STAG1: variants seen among roughly 807,000 people sequenced by gnomAD.
The protein encoded by STAG1 is STAG1 cohesin complex component, also known as cohesin subunit SA-1.
In STAG1, 26 loss-of-function variants were observed where a neutral mutation model predicts 170.9. The observed-to-expected ratio is 0.15, with a 90% CI of 0.11 to 0.21. The LOEUF is 0.21. STAG1 is among the 10% of genes least tolerant of loss of function. The pLI, the probability that STAG1 is intolerant of heterozygous loss-of-function variation, is 1.00. For synonymous variants in STAG1, 514 were observed against 497.7 expected, an observed-to-expected ratio of 1.03 and a Z score of -0.44; for missense variants, 964 against 1,509.5, an observed-to-expected ratio of 0.64 and a Z score of 5.99.
chr3:136,605,722 G>C (rs1257520287), intron 3 of STAG1, among the ~76,000 whole-genome samples: 1 of 152,188 alleles, frequency 6.6e-6, no homozygotes, highest in African/African-American at 2.4e-5. Flanking sequence ...TGTCTCCAAT[G>C]AGAGACAATA....
At chr3:136,678,050 C>T (rs1380415029) in intron 1 of STAG1, among the ~76,000 whole-genome samples, 1 of 149,602 alleles carries the variant, frequency 6.7e-6, no homozygotes, top group Non-Finnish European at 1.5e-5. Flanking sequence ...GAAGAAAATA[C>T]ACATTCTTAG....
intron 21 of STAG1, among the ~76,000 whole-genome samples, chr3:136,413,936 G>A (rs1173993256): frequency 2.6e-5 from 4 of 152,142 alleles, no homozygotes; most frequent in Non-Finnish European, 5.9e-5. Flanking sequence ...CAAAACCTTT[G>A]GTTTCGCAGT....
chr3:136,746,459 G>T (rs1048596671), intron 1 of STAG1, among the ~76,000 whole-genome samples: 1 of 151,828 alleles, frequency 6.6e-6, no homozygotes, highest in East Asian at 1.9e-4. Flanking sequence ...AATGTTTTAA[G>T]AAAGTGTATA....
intron 7 of STAG1, among the ~76,000 whole-genome samples, chr3:136,506,441 G>T (rs1013037724): frequency 1.4e-5 from 2 of 141,656 alleles, no homozygotes; most frequent in Non-Finnish European, 3.0e-5. Context: ...GACCAGCCTG[G>T]CCAACATGGT....
chr3:136,547,178 C>T (rs1042241448), intron 5 of STAG1, among the ~76,000 whole-genome samples: 30 of 152,222 alleles, frequency 2.0e-4, no homozygotes, highest in African/African-American at 7.0e-4. Context: ...AGAAAAGTTA[C>T]AAAGATAGTA....
chr3:136,445,456 T>C (rs774433625), intron 14 of STAG1, among the ~76,000 whole-genome samples: 26 of 152,164 alleles, frequency 1.7e-4, no homozygotes, highest in Non-Finnish European at 2.9e-4. Flanking sequence ...TTTATACATA[T>C]ATAAATTAAA....
chr3:136,702,109 G>GAGAC lies in STAG1; in HGVS notation c.-84+50085_-84+50086insGTCT, dbSNP rs1553768608. Among the ~76,000 whole-genome samples, 18 of 89,662 alleles carry GAGAC rather than the reference G, an allele frequency of 2.0e-4. 1 individual carries two copies. Among genetic ancestry groups the GAGAC allele is most frequent in the Non-Finnish European group, 2.9e-4 (12 of 41,366 alleles). The allele number at this position is 89,662 out of a possible 152,430, so 58.8% of individuals were successfully genotyped here. On this transcript the variant is annotated intron_variant, in intron 1 of 33. Coordinates refer to ENST00000383202, the MANE Select transcript of STAG1 (RefSeq NM_005862.3). ...AGAGAGAGAGAGAGAGAGAGAGAGA[G>GAGAC]AGAGAGAGAGAGACAGAGAGACAGA...
At chr3:136,399,829 T>C (rs1355372225) in intron 21 of STAG1, among the ~76,000 whole-genome samples, 2 of 152,224 alleles carry the variant, frequency 1.3e-5, no homozygotes, top group Admixed American at 1.3e-4. Context: ...TACTATCATA[T>C]TAGAAACTAA....
rs577736102 is a variant in STAG1, at chr3:136,377,473, TATTATATA to T, written c.2370+179_2370+186del. Among the ~76,000 whole-genome samples, 306 of 150,594 alleles carry T rather than the reference TATTATATA, an allele frequency of 2.0e-3. 1 individual carries two copies. Among genetic ancestry groups the T allele is most frequent in the African/African-American group, 7.1e-3 (291 of 40,976 alleles). On this transcript the variant is annotated intron_variant, in intron 23 of 33. Coordinates refer to ENST00000383202, the MANE Select transcript of STAG1 (RefSeq NM_005862.3). ...TGTGAAAGTAAAAGGAAAGAATGTA[TATTATATA>T]ATAAGTTTGTTAGCTTGCTTTATAA...
intron 1 of STAG1, among the ~76,000 whole-genome samples, chr3:136,718,368 GTTTT>G (rs1198909851): frequency 6.6e-6 from 1 of 152,048 alleles, no homozygotes; most frequent in Non-Finnish European, 1.5e-5. Context: ...ATAATTAAAA[GTTTT>G]TTTAATAATT....
intron 9 of STAG1, among the ~76,000 whole-genome samples, chr3:136,497,163 A>G (rs1933153163): frequency 6.6e-6 from 1 of 152,222 alleles, no homozygotes; most frequent in Non-Finnish European, 1.5e-5. Context: ...TTATCTGAAG[A>G]AGAAATAATA....
intron 1 of STAG1, among the ~76,000 whole-genome samples, chr3:136,723,271 C>T (rs1933416540): frequency 6.6e-6 from 1 of 151,826 alleles, no homozygotes; most frequent in Admixed American, 6.6e-5. Context: ...GGCCGCCATC[C>T]CATCTAGGAA....
chr3:136,708,759 T>TC (rs1172836179), intron 1 of STAG1, among the ~76,000 whole-genome samples: 1 of 152,166 alleles, frequency 6.6e-6, no homozygotes, highest in Non-Finnish European at 1.5e-5. Flanking sequence ...GTGCTTAGTT[T>TC]CACCCCTCCC....
At chr3:136,472,049 C>A (rs967748198) in intron 12 of STAG1, among the ~76,000 whole-genome samples, 2 of 152,094 alleles carry the variant, frequency 1.3e-5, no homozygotes, top group Non-Finnish European at 2.9e-5. Flanking sequence ...TTTGCCCAGG[C>A]TGGTCTTGAA....
chr3:136,370,076 CTATACTATACTATACT>C (rs1560064453), intron 23 of STAG1, among the ~76,000 whole-genome samples: 220 of 150,208 alleles, frequency 1.5e-3, no homozygotes, highest in Middle Eastern at 0.01. Flanking sequence ...CTATACTATA[CTATACTATACTATACT>C]ATACTAATTT....
intron 6 of STAG1, among the ~76,000 whole-genome samples, chr3:136,526,231 A>C (rs546671101): frequency 6.6e-6 from 1 of 152,270 alleles, no homozygotes. Flanking sequence ...GTGGGAGTCT[A>C]AATCTCTTGT....
intron 23 of STAG1, among the ~76,000 whole-genome samples, chr3:136,377,439 C>G (rs1376361398): frequency 7.4e-6 from 1 of 136,022 alleles, no homozygotes; most frequent in Non-Finnish European, 1.6e-5. Flanking sequence ...CAGCTGATGA[C>G]AGTATACTTG....
intron 4 of STAG1, among the ~76,000 whole-genome samples, chr3:136,591,873 C>T (rs2107793572): frequency 6.6e-6 from 1 of 152,274 alleles, no homozygotes; most frequent in South Asian, 2.1e-4. Context: ...TACATACTAT[C>T]AAAGACATCA....
At chr3:136,481,006 A>G (rs1453126895) in intron 9 of STAG1, among the ~76,000 whole-genome samples, 5 of 129,404 alleles carry the variant, frequency 3.9e-5, no homozygotes, top group African/African-American at 1.4e-4. Context: ...TTCTAGATAT[A>G]CAATCATGTC....
Sources: allele counts gnomAD v4.1 joint callset (sites outside exome capture counted in the v4.1 genomes callset), GRCh38; gene constraint gnomAD v4.1.1; transcripts MANE v1.5; gene names NCBI Gene and HGNC (gene_info 2026-07-23, HGNC 2026-07-21).